MPP7: variants seen among roughly 807,000 people sequenced by gnomAD.
MPP7 encodes the protein MAGUK p55 subfamily member 7.
MPP7 carries 60 observed loss-of-function variants against 76.5 expected under a neutral mutation model. The ratio of observed to expected loss-of-function variants is 0.78; its 90% CI spans 0.64 to 0.97. The LOEUF is 0.97. Ranked by LOEUF, MPP7 falls within the 50% of genes least tolerant of loss-of-function variation. MPP7 has a pLI of 0.00. For synonymous variants in MPP7, 237 were observed against 244.5 expected, an observed-to-expected ratio of 0.97 and a Z score of 0.29; for missense variants, 641 against 694.0, an observed-to-expected ratio of 0.92 and a Z score of 0.86.
At chr10:28,058,949 C>T (rs1564609896) in intron 14 of MPP7, among the ~76,000 whole-genome samples, 1 of 152,182 alleles carries the variant, frequency 6.6e-6, no homozygotes, top group Non-Finnish European at 1.5e-5. Context: ...AATTTCATTG[C>T]ACGCTACGGA....
At chr10:28,076,634 T>C (rs1019107270) in intron 12 of MPP7, among the ~76,000 whole-genome samples, 3 of 152,070 alleles carry the variant, frequency 2.0e-5, no homozygotes, top group African/African-American at 7.2e-5. Flanking sequence ...ACGCCTGTAA[T>C]CCCAGCACTT....
At chr10:28,214,858 CAG>C (rs1453987561) in intron 2 of MPP7, among the ~76,000 whole-genome samples, 2 of 152,142 alleles carry the variant, frequency 1.3e-5, no homozygotes, top group Non-Finnish European at 2.9e-5. Context: ...TTAGAAAGTA[CAG>C]TGTAGGGGTC....
At chr10:28,183,836 G>A (rs2133917146) in intron 3 of MPP7, among the ~76,000 whole-genome samples, 1 of 152,194 alleles carries the variant, frequency 6.6e-6, no homozygotes, top group Non-Finnish European at 1.5e-5. Context: ...TCCTGAAAAA[G>A]CAGCAATGTA....
chr10:28,064,881 G>A (rs184144626), intron 13 of MPP7, among the ~76,000 whole-genome samples: 1 of 152,128 alleles, frequency 6.6e-6, no homozygotes, highest in East Asian at 1.9e-4. Context: ...CTTCTAAACT[G>A]GTACATTGTA....
At chr10:28,203,518 C>T (rs1837851269) in intron 2 of MPP7, among the ~76,000 whole-genome samples, 2 of 125,770 alleles carry the variant, frequency 1.6e-5, no homozygotes, top group Non-Finnish European at 3.2e-5. Flanking sequence ...AAAAAAAAAC[C>T]TTCTCTCAAT....
chr10:28,329,422 A>G (rs752744934), intron 2 of MPP7, among the ~76,000 whole-genome samples: 2 of 151,998 alleles, frequency 1.3e-5, no homozygotes, highest in Non-Finnish European at 2.9e-5. Context: ...AGGTCAGGAG[A>G]TGGAAACCAT....
chr10:28,184,122 T>A (rs1458699833), intron 3 of MPP7, among the ~76,000 whole-genome samples: 2 of 149,714 alleles, frequency 1.3e-5, no homozygotes, highest in East Asian at 3.9e-4. Context: ...GACAATATAT[T>A]AAGATATATA....
chr10:28,334,215 A>C (rs1287802868), intron 1 of MPP7, among the ~76,000 whole-genome samples: 1 of 152,112 alleles, frequency 6.6e-6, no homozygotes, highest in Non-Finnish European at 1.5e-5. Context: ...AAGAAAAAAA[A>C]AATAGTGGCT....
At chr10:28,278,358 G>T (rs1589021314) in intron 1 of MPP7, among the ~76,000 whole-genome samples, 2 of 152,162 alleles carry the variant, frequency 1.3e-5, no homozygotes, top group South Asian at 4.1e-4. Context: ...ATTGCATATG[G>T]AAGTTTCCAC....
At chr10:28,080,475 C>G (rs915794725) in intron 12 of MPP7, among the ~76,000 whole-genome samples, 1 of 152,152 alleles carries the variant, frequency 6.6e-6, no homozygotes, top group Non-Finnish European at 1.5e-5. Context: ...TTACTTTCTT[C>G]CATAGACTTA....
At chr10:28,207,592 G>A (rs942940090) in intron 2 of MPP7, among the ~76,000 whole-genome samples, 1 of 152,016 alleles carries the variant, frequency 6.6e-6, no homozygotes, top group African/African-American at 2.4e-5. Flanking sequence ...GGCTGAGGCA[G>A]GAGAATCACT....
At chr10:28,332,862 T>C (rs1036273311) in intron 1 of MPP7, among the ~76,000 whole-genome samples, 2 of 151,994 alleles carry the variant, frequency 1.3e-5, no homozygotes, top group African/African-American at 4.8e-5. Flanking sequence ...AGAGTCTCAC[T>C]ATGTTGCCCA....
At chr10:28,157,918 T>C (rs918184577) in intron 3 of MPP7, among the ~76,000 whole-genome samples, 3 of 152,238 alleles carry the variant, frequency 2.0e-5, no homozygotes, top group Non-Finnish European at 2.9e-5. Flanking sequence ...TTTGTATTTA[T>C]AGATTTATCA....
At chr10:28,275,287 A>G (rs1840457244) in intron 1 of MPP7, among the ~76,000 whole-genome samples, 1 of 152,154 alleles carries the variant, frequency 6.6e-6, no homozygotes, top group African/African-American at 2.4e-5. Context: ...CCTCTTCTAC[A>G]TGAACGGCAT....
At chr10:28,267,806 C>T (rs1186252237) in intron 1 of MPP7, among the ~76,000 whole-genome samples, 2 of 152,028 alleles carry the variant, frequency 1.3e-5, no homozygotes, top group African/African-American at 4.8e-5. Flanking sequence ...GAGGCTGTGG[C>T]AGGTAGATCA....
intron 2 of MPP7, among the ~76,000 whole-genome samples, chr10:28,309,988 A>G (rs904675131): frequency 3.4e-5 from 5 of 147,936 alleles, no homozygotes; most frequent in Non-Finnish European, 7.4e-5. Context: ...ACTGGGAGCC[A>G]ATGCCAATTA....
chr10:28,285,810 C>T (rs933479725), intron 1 of MPP7, among the ~76,000 whole-genome samples: 52 of 150,980 alleles, frequency 3.4e-4, no homozygotes, highest in African/African-American at 1.2e-3. Flanking sequence ...TTAAACCATT[C>T]ATTAAACAAA....
chr10:28,072,539 G>C (rs1323200737), intron 12 of MPP7, among the ~76,000 whole-genome samples: 1 of 152,180 alleles, frequency 6.6e-6, no homozygotes, highest in African/African-American at 2.4e-5. Context: ...GGGCAGTCCT[G>C]CCCCTGTGGA....
At chr10:28,228,830 T>C (rs1485711262) in intron 2 of MPP7, among the ~76,000 whole-genome samples, 1 of 151,640 alleles carries the variant, frequency 6.6e-6, no homozygotes, top group East Asian at 1.9e-4. Context: ...TCATCATCAT[T>C]GAAATTAAAA....
Sources: allele counts gnomAD v4.1 joint callset (sites outside exome capture counted in the v4.1 genomes callset), GRCh38; gene constraint gnomAD v4.1.1; transcripts MANE v1.5; gene names NCBI Gene and HGNC (gene_info 2026-07-23, HGNC 2026-07-21).